The following RAP1GAP variants were observed in gnomAD, a reference collection of about 807,000 sequenced individuals.
The protein encoded by RAP1GAP is rap1 GTPase-activating protein 1.
Under a neutral mutation model 87.2 loss-of-function variants are expected in RAP1GAP, and 35 were observed. The observed-to-expected ratio is 0.40, with a 90% confidence interval of 0.31 to 0.53. RAP1GAP has a LOEUF of 0.53. RAP1GAP is among the 20% of genes least tolerant of loss of function. RAP1GAP has a pLI of 0.48. For missense variants in RAP1GAP, 734 were observed against 898.9 expected, an observed-to-expected ratio of 0.82 and a Z score of 2.35; for synonymous variants, 375 against 363.9, an observed-to-expected ratio of 1.03 and a Z score of -0.35.
At chr1:21,655,621 TTAC>T (rs112903081) in intron 1 of RAP1GAP, among the ~76,000 whole-genome samples, 11,079 of 152,310 alleles carry the variant, frequency 0.073, 539 homozygotes, top group East Asian at 0.24. Flanking sequence ...CTCCAGCCTC[TTAC>T]CTAGAAAACA....
rs1163946606 is a variant in RAP1GAP at position 21,611,439 on chromosome 1, G to A, written c.843+13C>T. On this transcript the variant is annotated intron_variant, in intron 13 of 24. Transcript: ENST00000374765. ...GGTGGAAGACAGGAGGCAGGTGGGG[G>A]TGCCCAGGCTACCTGCTGGGCGTCC... The A allele has an allele frequency of 1.2e-6, 2 of 1,609,456 alleles. No individual in the cohort carries two copies. Among genetic ancestry groups the A allele is most frequent in the Admixed American group, 1.7e-5 (1 of 58,898 alleles).
intron 18 of RAP1GAP, among the ~76,000 whole-genome samples, chr1:21,605,447 G>A (rs1366033489): frequency 6.6e-6 from 1 of 152,196 alleles, no homozygotes; most frequent in Admixed American, 6.5e-5. Context: ...TCACATAGCA[G>A]TCCATTTTCT....
At chr1:21,610,949 G>C (rs2077834730) in intron 13 of RAP1GAP, among the ~76,000 whole-genome samples, 1 of 152,208 alleles carries the variant, frequency 6.6e-6, no homozygotes, top group African/African-American at 2.4e-5. Context: ...CAGGACAAGG[G>C]GACACGCTTC....
chr1:21,629,198 G>A (rs1196065434), intron 2 of RAP1GAP, among the ~76,000 whole-genome samples: 1 of 152,202 alleles, frequency 6.6e-6, no homozygotes, highest in African/African-American at 2.4e-5. Flanking sequence ...GAGGCTGCCT[G>A]GGGGTCAGGA....
At chr1:21,641,651 G>T (rs1159037631) in intron 2 of RAP1GAP, among the ~76,000 whole-genome samples, 1 of 152,224 alleles carries the variant, frequency 6.6e-6, no homozygotes, top group Non-Finnish European at 1.5e-5. Context: ...GAATTAACGA[G>T]TGGCTAATGG....
chr1:21,620,493 G>A (rs2086271630), intron 3 of RAP1GAP, among the ~76,000 whole-genome samples: 1 of 152,200 alleles, frequency 6.6e-6, no homozygotes, highest in South Asian at 2.1e-4. Flanking sequence ...CTCTCCAAGG[G>A]GAGTGAGCTG....
intron 2 of RAP1GAP, among the ~76,000 whole-genome samples, chr1:21,640,207 C>T (rs905794065): frequency 4.6e-5 from 7 of 152,162 alleles, no homozygotes; most frequent in African/African-American, 7.2e-5. Context: ...CCTTCCCGTC[C>T]GCTTGGATCA....
In RAP1GAP at chr1:21,611,562, C is replaced by T. The variant is rs780639133; in HGVS notation, c.733G>A (p.Val245Met). 1.9e-6 allele frequency: 3 copies of T among 1,614,064 alleles called. No homozygotes were observed. The highest frequency in any genetic ancestry group is 2.7e-5 in the African/African-American group (2 of 74,936). Residue 245 changes from valine to methionine, a missense_variant, in exon 13 of 25, where the codon GTG (valine) becomes ATG (methionine). Physicochemically the swap from Val to Met is conservative, Grantham distance 21 (BLOSUM62 1). Transcript: ENST00000374765. Reference protein sequence around the residue: ...DFKGFRGGLDVTHGQTGTESV... With the variant: ...DFKGFRGGLDMTHGQTGTESV... ...TCGGTCCCCGTCTGCCCGTGGGTCACGTCCAGGCCTCCTCGGAACCTGCCC... is the reference window on the plus strand; with the variant it reads ...TCGGTCCCCGTCTGCCCGTGGGTCATGTCCAGGCCTCCTCGGAACCTGCCC...
chr1:21,600,483 C>T (rs1310099364), intron 20 of RAP1GAP, among the ~76,000 whole-genome samples: 1 of 152,234 alleles, frequency 6.6e-6, no homozygotes, highest in Non-Finnish European at 1.5e-5. Context: ...TCTCTGCTTC[C>T]ATCCCACCCC....
intron 1 of RAP1GAP, among the ~76,000 whole-genome samples, chr1:21,656,209 A>T (rs1256278): frequency 6.6e-6 from 1 of 151,844 alleles, no homozygotes; most frequent in Non-Finnish European, 1.5e-5. Flanking sequence ...GAGGCAGGTG[A>T]ATCATGAGGT....
Position 21,608,340 on chromosome 1 carries a change from C to T in RAP1GAP, c.1169G>A (p.Arg390Gln), listed in dbSNP as rs768213574. 2.5e-6 allele frequency: 4 copies of T among 1,612,918 alleles called. No individual in the cohort carries two copies. The East Asian group carries it at 6.7e-5, about 27-fold the overall frequency. Residue 390 changes from arginine to glutamine, a missense_variant, in exon 17 of 25, where the codon CGG (arginine) becomes CAG (glutamine). Arg to Gln is a conservative substitution (Grantham distance 43). Around this residue, in one of 2 missense-constraint regions of RAP1GAP, gnomAD observed 485 missense variants for 646.2 expected, o/e 0.75. Transcript: ENST00000374765. Reference protein sequence around the residue: ...EKFAKLEERTRAALLETLYEE... With the variant: ...EKFAKLEERTQAALLETLYEE... Reference sequence around the variant, plus strand: ...ATAGAGCGTCTCCAGGAGGGCGGCCCGCGTCCGCTCCTGTGGGCCAGGCCC... The same window carrying T: ...ATAGAGCGTCTCCAGGAGGGCGGCCTGCGTCCGCTCCTGTGGGCCAGGCCC...
Position 21,611,708 on chromosome 1 carries a change from A to G in RAP1GAP, c.713+8T>C. On this transcript the variant is annotated splice_region_variant and intron_variant, in intron 12 of 24. Transcript: ENST00000374765. ...ATTACACTCTGCTCAGCCCACCCTA[A>G]TACTCACCCCTTAAAGTCCTGCAGT... 1 of 1,612,128 alleles carries G rather than the reference A, an allele frequency of 6.2e-7. No individual in the cohort carries two copies. The highest frequency in any genetic ancestry group is 8.5e-7 in the Non-Finnish European group (1 of 1,178,220).
intron 2 of RAP1GAP, among the ~76,000 whole-genome samples, chr1:21,643,633 G>A (rs2095757082): frequency 6.6e-6 from 1 of 151,246 alleles, no homozygotes; most frequent in Non-Finnish European, 1.5e-5. Context: ...CTGTGGCCAC[G>A]ACAGTGCCTA....
Position 21,617,469 on chromosome 1 carries a change from A to C in RAP1GAP, c.128T>G (p.Phe43Cys). The change falls in exon 7 of 25, where the codon TTC becomes TGC. Residue 43 changes from phenylalanine to cysteine, a missense_variant. By Grantham distance (205) the Phe-to-Cys change is radical (BLOSUM62 -2). Transcript: ENST00000374765. ...AAACTGGGGCAGCAGGATGAGGGGG[A>C]AGGGTCCTTCTCGCCCCAAGACCTG... ...VHEVLGREGP[F>C]PLILLPQFGG... The C allele has an allele frequency of 6.2e-7, 1 of 1,603,582 alleles. No individual in the cohort carries two copies. Among genetic ancestry groups the C allele is most frequent in the Non-Finnish European group, 8.5e-7 (1 of 1,175,570 alleles).
Position 21,606,101 on chromosome 1 carries a change from G to A in RAP1GAP, c.1393C>T (p.Pro465Ser), listed in dbSNP as rs949908497. The change falls in exon 18 of 25, where the codon CCC becomes TCC. Residue 465 changes from proline (P) to serine (S), a missense_variant. Around this residue, in one of 2 missense-constraint regions of RAP1GAP, gnomAD observed 485 missense variants for 646.2 expected, o/e 0.75. Transcript: ENST00000374765. ...VSTSHSGSFA[P>S]NNPDLAKAAG... is the part of the protein sequence containing the mutation. ...GCCTTGGCCAGGTCGGGGTTGTTGG[G>A]CGCGAAGCTCCCGCTGTGGCTGGTG... The A allele has an allele frequency of 8.8e-6, 14 of 1,587,910 alleles. No homozygotes were observed. In the African/African-American group the frequency reaches 1.6e-4, roughly 18 times the overall value.
chr1:21,607,424 G>A (rs2075395626), intron 17 of RAP1GAP, among the ~76,000 whole-genome samples: 1 of 152,172 alleles, frequency 6.6e-6, no homozygotes, highest in Non-Finnish European at 1.5e-5. Context: ...GCCCAAGCTG[G>A]TAAGTAACAG....
At chr1:21,667,383 AG>A (rs1354129183) in intron 1 of RAP1GAP, among the ~76,000 whole-genome samples, 5 of 152,302 alleles carry the variant, frequency 3.3e-5, no homozygotes, top group Middle Eastern at 3.4e-3. Context: ...GAGCCAGGAG[AG>A]GGGCCTCCTG....
At chr1:21,651,829 G>A (rs1448610711) in intron 1 of RAP1GAP, 95 of 1,213,546 alleles carry the variant, frequency 7.8e-5, no homozygotes, top group Non-Finnish European at 9.4e-5. Context: ...TCATGGTGCC[G>A]CCGCCGCCGC....
chr1:21,667,174 A>G (rs1250859345), intron 1 of RAP1GAP, among the ~76,000 whole-genome samples: 1 of 152,192 alleles, frequency 6.6e-6, no homozygotes, highest in Non-Finnish European at 1.5e-5. Context: ...AGCATGGAGG[A>G]CAGATCTGCC....
Sources: gnomAD v4.1 joint callset for allele counts (sites outside exome capture counted in the v4.1 genomes callset) on GRCh38, gnomAD v4.1.1 for gene constraint, gnomAD v4.1.1 regional missense constraint, MANE v1.5 for transcripts, NCBI Gene and HGNC (gene_info 2026-07-23, HGNC 2026-07-21) for gene names.